The following TNFRSF19 variants were observed in gnomAD, a reference collection of about 807,000 sequenced individuals.
TNFRSF19 encodes tumor necrosis factor receptor superfamily member 19.
A neutral mutation model predicts 46.4 loss-of-function variants in TNFRSF19; 27 were observed. The observed-to-expected ratio is 0.58, with a 90% confidence interval of 0.43 to 0.80. The LOEUF (loss-of-function observed/expected upper bound fraction) is 0.80, where lower values mean the gene tolerates loss of function less well. Ranked by LOEUF, TNFRSF19 falls within the 30% of genes least tolerant of loss-of-function variation. TNFRSF19 has a pLI of 0.00. For synonymous variants in TNFRSF19, 204 were observed against 205.0 expected, an observed-to-expected ratio of 1.00 and a Z score of 0.04; for missense variants, 511 against 530.8, an observed-to-expected ratio of 0.96 and a Z score of 0.37.
chr13:23,647,581 T>A (rs893501223), intron 5 of TNFRSF19, among the ~76,000 whole-genome samples: 3 of 152,074 alleles, frequency 2.0e-5, no homozygotes, highest in African/African-American at 7.2e-5. Flanking sequence ...TTTTTTTTAA[T>A]AGAGATGGGT....
chr13:23,675,077 C>CT lies in TNFRSF19; in HGVS notation c.*1704dup, dbSNP rs544006252. On this transcript the variant is annotated 3_prime_UTR_variant, in exon 10 of 10. Coordinates refer to ENST00000248484, the MANE Select transcript of TNFRSF19 (RefSeq NM_148957.4). ...TTAATTGACTTTTCCTGTATTACTT[C>CT]TTTTTTTAAGTATAAACCAATGATC... The CT allele has an allele frequency of 2.0e-5, 3 of 152,124 alleles. No homozygotes were observed. The highest frequency in any genetic ancestry group is 2.1e-4 in the South Asian group (1 of 4,824). The allele number at this position is 152,124 out of a possible 1,614,324, so 9.4% of individuals were successfully genotyped here. A position where few individuals can be genotyped will look rare whatever the true frequency, so the allele number is the denominator to read the frequency against.
chr13:23,622,651 T>C (rs1422403060), intron 4 of TNFRSF19, among the ~76,000 whole-genome samples: 1 of 152,320 alleles, frequency 6.6e-6, no homozygotes, highest in South Asian at 2.1e-4. Context: ...CCTCCCATTT[T>C]CCTAACTTTT....
chr13:23,571,326 C>T (rs1195650862), intron 1 of TNFRSF19, among the ~76,000 whole-genome samples: 3 of 152,156 alleles, frequency 2.0e-5, no homozygotes, highest in African/African-American at 7.2e-5. Flanking sequence ...TCTCTCACTT[C>T]CAAGATGTAA....
chr13:23,654,857 G>A (rs1197960858), intron 5 of TNFRSF19, among the ~76,000 whole-genome samples: 2 of 152,194 alleles, frequency 1.3e-5, no homozygotes, highest in South Asian at 2.1e-4. Flanking sequence ...CTAGTGAGGA[G>A]GGTGAGGCAC....
chr13:23,653,629 T>C (rs1883790269), intron 5 of TNFRSF19, among the ~76,000 whole-genome samples: 1 of 152,082 alleles, frequency 6.6e-6, no homozygotes, highest in East Asian at 1.9e-4. Context: ...GAGGAAGATC[T>C]GTGGGAGGGG....
intron 3 of TNFRSF19, among the ~76,000 whole-genome samples, chr13:23,614,865 C>G (rs1229102685): frequency 6.6e-6 from 1 of 151,618 alleles, no homozygotes; most frequent in Non-Finnish European, 1.5e-5. Context: ...ACTTCTGTCA[C>G]CTAGCCCAAG....
intron 5 of TNFRSF19, among the ~76,000 whole-genome samples, chr13:23,630,420 A>G (rs1485334792): frequency 2.0e-5 from 3 of 151,878 alleles, no homozygotes; most frequent in African/African-American, 4.8e-5. Flanking sequence ...TCTGGATCTG[A>G]GGCCTCTGGC....
intron 3 of TNFRSF19, among the ~76,000 whole-genome samples, chr13:23,598,654 G>A (rs2138203941): frequency 6.6e-6 from 1 of 152,284 alleles, no homozygotes. Flanking sequence ...ACCACTATGT[G>A]CTAAGAAACT....
At chr13:23,581,687 T>C (rs1878445918) in intron 1 of TNFRSF19, among the ~76,000 whole-genome samples, 1 of 152,202 alleles carries the variant, frequency 6.6e-6, no homozygotes, top group South Asian at 2.1e-4. Context: ...ATTGGGGACT[T>C]TTTAAACATA....
chr13:23,661,820 T>C (rs905869200), intron 7 of TNFRSF19, among the ~76,000 whole-genome samples: 11 of 152,232 alleles, frequency 7.2e-5, no homozygotes, highest in Non-Finnish European at 1.6e-4. Context: ...TTCATATGCT[T>C]GTTGGCCACA....
At chr13:23,571,127 G>A (rs971643727) in intron 1 of TNFRSF19, among the ~76,000 whole-genome samples, 3 of 152,128 alleles carry the variant, frequency 2.0e-5, no homozygotes, top group East Asian at 1.9e-4. Flanking sequence ...ACAGAACAGC[G>A]CTCACTTTAG....
In TNFRSF19 at chr13:23,659,286, TC is replaced by T; in HGVS notation, c.610+74del. The T allele has an allele frequency of 6.7e-7, 1 of 1,502,310 alleles. No homozygotes were observed. Among genetic ancestry groups the T allele is most frequent in the Non-Finnish European group, 9.0e-7 (1 of 1,110,246 alleles). 93.1% of individuals were successfully genotyped at this position (1,502,310 alleles called of 1,614,324 possible). ...TTTATTACTATTGTCGTGCAAGTGTTCCACAAGAGACTTGGCTGAGACAAGC... is the reference window on the plus strand; with the variant it reads ...TTTATTACTATTGTCGTGCAAGTGTTCACAAGAGACTTGGCTGAGACAAGC... On this transcript the variant is annotated intron_variant, in intron 6 of 9. Transcript: ENST00000248484. The surrounding 1 kb of genome is among the most constrained non-coding windows in gnomAD (Gnocchi z 4.9).
intron 1 of TNFRSF19, among the ~76,000 whole-genome samples, chr13:23,582,977 A>C (rs1370413945): frequency 2.6e-5 from 4 of 152,190 alleles, no homozygotes; most frequent in African/African-American, 9.7e-5. Flanking sequence ...TTATGGACAC[A>C]TGGTTGTTTT....
At chr13:23,587,222 T>C (rs934802685) in intron 1 of TNFRSF19, among the ~76,000 whole-genome samples, 5 of 152,230 alleles carry the variant, frequency 3.3e-5, no homozygotes, top group African/African-American at 9.6e-5. Context: ...GCCTTATTTT[T>C]ATTTTAAATA....
Position 23,590,210 on chromosome 13 carries a change from A to G in TNFRSF19, c.27A>G (p.Gln9=). The change falls in exon 2 of 10, where the codon CAA becomes CAG. Residue 9 remains glutamine (Q), a synonymous_variant. Coordinates refer to ENST00000248484, the MANE Select transcript of TNFRSF19 (RefSeq NM_148957.4). MALKVLLE[Q]EKTFFTLLVL... ...TGGCTTTAAAAGTGCTACTAGAACA[A>G]GAGAAAACGTTTTTCACTCTTTTAG... 1 of 1,597,168 alleles carries G rather than the reference A, an allele frequency of 6.3e-7. No homozygotes were observed. Among genetic ancestry groups the G allele is most frequent in the Non-Finnish European group, 8.5e-7 (1 of 1,171,670 alleles).
At chr13:23,615,809 T>C in intron 3 of TNFRSF19, 58 bp from the exon 4 acceptor site, 1 of 1,489,938 alleles carries the variant, frequency 6.7e-7, no homozygotes, top group Non-Finnish European at 9.0e-7. Context: ...CCTAGCGGTC[T>C]TTCCTTTTCA....
In TNFRSF19 at chr13:23,674,157, G is replaced by A. The variant is rs961323092; in HGVS notation, c.*777G>A. 1.3e-5 allele frequency: 2 copies of A among 152,174 alleles called. No homozygotes were observed. Among genetic ancestry groups the A allele is most frequent in the Non-Finnish European group, 2.9e-5 (2 of 68,038 alleles). The allele number at this position is 152,174 out of a possible 1,614,324, so 9.4% of individuals were successfully genotyped here. A position where few individuals can be genotyped will look rare whatever the true frequency, so the allele number is the denominator to read the frequency against. On this transcript the variant is annotated 3_prime_UTR_variant, in exon 10 of 10. Coordinates refer to ENST00000248484, the MANE Select transcript of TNFRSF19 (RefSeq NM_148957.4). ...CATATTGTAGAGACTTGTATGCAAAGGTTGGCATATTTATATGAAAATTAG... is the reference window on the plus strand; with the variant it reads ...CATATTGTAGAGACTTGTATGCAAAAGTTGGCATATTTATATGAAAATTAG...
chr13:23,669,131 C>T (rs1951709145), intron 9 of TNFRSF19, 34 bp downstream of exon 9: 2 of 1,602,094 alleles, frequency 1.2e-6, no homozygotes, highest in African/African-American at 1.3e-5. Context: ...GTGAACACAG[C>T]ACTGACTTAC....
chr13:23,592,839 C>T lies in TNFRSF19; in HGVS notation c.70-506C>T, dbSNP rs555772147. On this transcript the variant is annotated intron_variant, in intron 2 of 9. Transcript: ENST00000248484. ...GATAATTGCGAAGTTCTTGTGGCTA[C>T]GCTCTTGTGGCTATACTAATTATTC... Among the ~76,000 whole-genome samples, 12 of 152,300 alleles carry T rather than the reference C, an allele frequency of 7.9e-5. No individual in the cohort carries two copies. In the East Asian group the frequency reaches 9.6e-4, roughly 12 times the overall value.
Sources: allele counts gnomAD v4.1 joint callset (sites outside exome capture counted in the v4.1 genomes callset), GRCh38; gene constraint gnomAD v4.1.1; non-coding constraint Gnocchi (gnomAD v3.1); transcripts MANE v1.5; gene names NCBI Gene and HGNC (gene_info 2026-07-23, HGNC 2026-07-21).